The following PRIM2 variants were observed in gnomAD, a reference collection of about 807,000 sequenced individuals.
PRIM2 encodes DNA primase subunit 2.
In PRIM2, 39 loss-of-function variants were observed where a neutral mutation model predicts 67.3. The observed-to-expected ratio is 0.58, with a 90% confidence interval of 0.45 to 0.76. The LOEUF (loss-of-function observed/expected upper bound fraction) is 0.76, where lower values mean the gene tolerates loss of function less well. Among genes scored for constraint, PRIM2 ranks in the 30% least tolerant of loss-of-function variants. PRIM2 has a pLI of 0.00. For missense variants in PRIM2, 398 were observed against 598.7 expected (o/e 0.66, Z 3.50); for synonymous variants, 143 against 198.7 (o/e 0.72, Z 2.36).
At chr6:57,471,980 T>TA (rs1200883739) in intron 7 of PRIM2, among the ~76,000 whole-genome samples, 1 of 152,150 alleles carries the variant, frequency 6.6e-6, no homozygotes, top group Admixed American at 6.5e-5. Flanking sequence ...TGTTTTGAGA[T>TA]ACGCGGTTTT....
chr6:57,435,634 C>G (rs929656445), intron 7 of PRIM2, among the ~76,000 whole-genome samples: 2 of 152,190 alleles, frequency 1.3e-5, no homozygotes, highest in South Asian at 2.1e-4. Flanking sequence ...TCTGCTAGTA[C>G]CTGATGAGCT....
chr6:57,345,517 T>C (rs1168705165), intron 5 of PRIM2, among the ~76,000 whole-genome samples: 5 of 138,648 alleles, frequency 3.6e-5, no homozygotes, highest in East Asian at 2.0e-4. Context: ...TACATACATA[T>C]ATATTTATAT....
rs1777335467 is a variant in PRIM2, at chr6:57,646,388, T to C, written c.*230T>C. The C allele has an allele frequency of 2.1e-6, 1 of 474,036 alleles. No homozygotes were observed. The highest frequency in any genetic ancestry group is 3.8e-6 in the Non-Finnish European group (1 of 266,222). 29.4% of individuals were successfully genotyped at this position (474,036 alleles called of 1,614,324 possible). A position where few individuals can be genotyped will look rare whatever the true frequency, so the allele number is the denominator to read the frequency against. On this transcript the variant is annotated 3_prime_UTR_variant, in exon 14 of 14. Coordinates refer to ENST00000615550, the MANE Select transcript of PRIM2 (RefSeq NM_000947.5). ...CCAGATAATTTTTTTCAATTTTTTT[T>C]TGTAGAGGTGGGGGGTCTCCCTATG...
At chr6:57,507,326 A>G in intron 7 of PRIM2, 61 bp from the exon 8 acceptor site, 1 of 1,193,850 alleles carries the variant, frequency 8.4e-7, no homozygotes, top group Non-Finnish European at 1.2e-6. Context: ...TACATTTAGT[A>G]TTCAAATATG....
intron 7 of PRIM2, among the ~76,000 whole-genome samples, chr6:57,397,254 A>G (rs895445968): frequency 6.6e-6 from 1 of 152,284 alleles, no homozygotes; most frequent in East Asian, 1.9e-4. Flanking sequence ...TATTTCCCCA[A>G]ATATGTTTCC....
chr6:57,476,095 A>G (rs1365079479), intron 7 of PRIM2, among the ~76,000 whole-genome samples: 27 of 151,948 alleles, frequency 1.8e-4, no homozygotes, highest in African/African-American at 6.0e-4. Flanking sequence ...TCCTAGATAC[A>G]CTCTATATTC....
chr6:57,289,344 G>T, the PRIM2 span, among the ~76,000 whole-genome samples: 13 of 152,190 alleles, frequency 8.5e-5, no homozygotes, highest in Admixed American at 2.6e-4. Context: ...GTTCCTGAAA[G>T]TGACGGGGAG....
At chr6:57,299,841 TA>T in the PRIM2 span, among the ~76,000 whole-genome samples, 1 of 152,144 alleles carries the variant, frequency 6.6e-6, no homozygotes, top group African/African-American at 2.4e-5. Flanking sequence ...GCTGGAATAA[TA>T]AATACATAAA....
chr6:57,457,684 T>C (rs1772850106), intron 7 of PRIM2, among the ~76,000 whole-genome samples: 1 of 152,134 alleles, frequency 6.6e-6, no homozygotes, highest in African/African-American at 2.4e-5. Flanking sequence ...GTGCCATCTG[T>C]CACCCCTTTC....
intron 7 of PRIM2, among the ~76,000 whole-genome samples, chr6:57,404,888 T>C (rs1770830061): frequency 6.8e-6 from 1 of 146,178 alleles, no homozygotes; most frequent in African/African-American, 2.5e-5. Context: ...AGACCCCCTA[T>C]ACTTTTTATA....
At chr6:57,403,317 C>T (rs577422528) in intron 7 of PRIM2, among the ~76,000 whole-genome samples, 47 of 140,640 alleles carry the variant, frequency 3.3e-4, no homozygotes, top group African/African-American at 8.2e-4. Flanking sequence ...AGTGCAGTGG[C>T]GCGAACTCGG....
the PRIM2 span, among the ~76,000 whole-genome samples, chr6:57,258,915 T>C: frequency 6.6e-6 from 1 of 152,190 alleles, no homozygotes; most frequent in Non-Finnish European, 1.5e-5. Flanking sequence ...TGACCTATCC[T>C]TTGCTATTTC....
chr6:57,524,485 T>C (rs1774700130), intron 8 of PRIM2, among the ~76,000 whole-genome samples: 3 of 152,144 alleles, frequency 2.0e-5, no homozygotes, highest in Admixed American at 2.0e-4. Flanking sequence ...GCTGATCACC[T>C]GAGATCAGGA....
chr6:57,347,238 A>G (rs1456687016), intron 5 of PRIM2, among the ~76,000 whole-genome samples: 4 of 152,184 alleles, frequency 2.6e-5, no homozygotes, highest in Non-Finnish European at 5.9e-5. Context: ...TGGAAAACCC[A>G]GAGGACTGTT....
At chr6:57,566,193 A>G (rs1370321768) in intron 10 of PRIM2, among the ~76,000 whole-genome samples, 20,681 of 137,094 alleles carry the variant, frequency 0.15, 2,449 homozygotes, top group African/African-American at 0.34. Flanking sequence ...TTTTTTCTGT[A>G]AATGGAATTA....
chr6:57,286,581 G>T, the PRIM2 span, among the ~76,000 whole-genome samples: 1 of 152,070 alleles, frequency 6.6e-6, no homozygotes, highest in Non-Finnish European at 1.5e-5. Flanking sequence ...CTGGATCCAT[G>T]CCTTACACCT....
At position 57,508,662 on chromosome 6, in the gene PRIM2, A is replaced by G. The variant is rs1238829601; in HGVS notation, c.761+1208A>G. On this transcript the variant is annotated intron_variant, in intron 8 of 13. Coordinates refer to ENST00000615550, the MANE Select transcript of PRIM2 (RefSeq NM_000947.5). Reference sequence around the variant, plus strand: ...ATTTGTATAAGACTGCCATGTAACTATACTCTGAACAAGATAGGGCAGTCA... The same window carrying G: ...ATTTGTATAAGACTGCCATGTAACTGTACTCTGAACAAGATAGGGCAGTCA... Among the ~76,000 whole-genome samples the G allele has an allele frequency of 3.7e-4, 57 of 152,334 alleles. 1 individual carries two copies. The highest frequency in any genetic ancestry group is 7.4e-5 in the Non-Finnish European group (5 of 68,022).
intron 7 of PRIM2, among the ~76,000 whole-genome samples, chr6:57,478,806 G>A (rs1220394193): frequency 4.6e-5 from 7 of 152,088 alleles, no homozygotes; most frequent in Admixed American, 4.6e-4. Context: ...TTCTGTTCTT[G>A]TCTTAAAGAT....
chr6:57,633,123 C>T (rs1777062267), intron 13 of PRIM2, among the ~76,000 whole-genome samples: 1 of 152,148 alleles, frequency 6.6e-6, no homozygotes, highest in African/African-American at 2.4e-5. Flanking sequence ...AACATGTTTG[C>T]CCTATTAGAG....
Sources: allele counts gnomAD v4.1 joint callset (sites outside exome capture counted in the v4.1 genomes callset), GRCh38; gene constraint gnomAD v4.1.1; transcripts MANE v1.5; gene names NCBI Gene and HGNC (gene_info 2026-07-23, HGNC 2026-07-21).